The following STK39 variants were observed in gnomAD, a reference collection of about 807,000 sequenced individuals.
STK39 encodes STE20/SPS1-related proline-alanine-rich protein kinase.
Under a neutral mutation model 77.8 loss-of-function variants are expected in STK39, and 20 were observed. That is an observed-to-expected ratio of 0.26 (90% CI 0.18 to 0.37). STK39 has a LOEUF of 0.37. Ranked by LOEUF, STK39 falls within the 10% of genes least tolerant of loss-of-function variation. The pLI, the probability that STK39 is intolerant of heterozygous loss-of-function variation, is 1.00. For synonymous variants in STK39, 246 were observed against 234.1 expected, an observed-to-expected ratio of 1.05 and a Z score of -0.47; for missense variants, 479 against 656.5, an observed-to-expected ratio of 0.73 and a Z score of 2.95.
intron 10 of STK39, among the ~76,000 whole-genome samples, chr2:168,128,497 C>T (rs980878723): frequency 6.6e-6 from 1 of 152,192 alleles, no homozygotes; most frequent in African/African-American, 2.4e-5. Context: ...AAAGTCAACA[C>T]ATCAATCCTC....
intron 14 of STK39, among the ~76,000 whole-genome samples, chr2:168,029,951 C>T (rs1412280859): frequency 6.6e-6 from 1 of 152,104 alleles, no homozygotes; most frequent in Non-Finnish European, 1.5e-5. Context: ...CTAAATCTCC[C>T]AATTTTGGGC....
At chr2:168,156,287 G>A (rs1476329850) in intron 5 of STK39, among the ~76,000 whole-genome samples, 1 of 152,190 alleles carries the variant, frequency 6.6e-6, no homozygotes, top group African/African-American at 2.4e-5. Flanking sequence ...ACAGCAGAAA[G>A]CACTTGCAGA....
chr2:168,245,097 A>C (rs1690864126), intron 1 of STK39, among the ~76,000 whole-genome samples: 2 of 152,258 alleles, frequency 1.3e-5, no homozygotes, highest in Non-Finnish European at 2.9e-5. Flanking sequence ...TCTATGGAGA[A>C]TTATGTGGCA....
intron 10 of STK39, among the ~76,000 whole-genome samples, chr2:168,086,889 G>T (rs1054400148): frequency 6.6e-6 from 1 of 152,202 alleles, no homozygotes; most frequent in Non-Finnish European, 1.5e-5. Context: ...TTCTGCATCA[G>T]TCCTATCAAA....
chr2:168,136,592 A>C (rs1444312869), intron 8 of STK39, among the ~76,000 whole-genome samples: 1 of 152,190 alleles, frequency 6.6e-6, no homozygotes, highest in African/African-American at 2.4e-5. Flanking sequence ...ACTGTCGTTC[A>C]AGAATCAGGA....
At chr2:168,004,111 G>A (rs1419231367) in intron 16 of STK39, among the ~76,000 whole-genome samples, 1 of 152,172 alleles carries the variant, frequency 6.6e-6, no homozygotes, top group Admixed American at 6.6e-5. Context: ...GAGAGCCTAA[G>A]CGTACTTTGC....
chr2:168,038,341 C>T (rs1685011794), intron 14 of STK39, among the ~76,000 whole-genome samples: 3 of 151,496 alleles, frequency 2.0e-5, no homozygotes, highest in Non-Finnish European at 4.4e-5. Context: ...GGGGTTGGCA[C>T]AAGTGTGTAT....
chr2:168,148,358 G>T (rs1417954894), intron 5 of STK39, among the ~76,000 whole-genome samples: 1 of 152,106 alleles, frequency 6.6e-6, no homozygotes, highest in Middle Eastern at 3.2e-3. Flanking sequence ...CAAACTGGGA[G>T]GGCCACCCCT....
chr2:168,129,777 A>G lies in STK39; in HGVS notation c.975-19T>C, dbSNP rs1426421461. On this transcript the variant is annotated intron_variant, in intron 8 of 17. Coordinates refer to ENST00000355999, the MANE Select transcript of STK39 (RefSeq NM_013233.3). ...TGTGGGCCTGAAAGATCAATAATAAATTAGAGTTGAAACAATGACCACTTA... is the reference window on the plus strand; with the variant it reads ...TGTGGGCCTGAAAGATCAATAATAAGTTAGAGTTGAAACAATGACCACTTA... The G allele has an allele frequency of 6.2e-7, 1 of 1,612,656 alleles. No homozygotes were observed. Among genetic ancestry groups the G allele is most frequent in the Non-Finnish European group, 8.5e-7 (1 of 1,179,762 alleles).
At position 167,954,239 on chromosome 2, in the gene STK39, T is replaced by C. The variant is rs199794776; in HGVS notation, c.*1257A>G. ...ATTAAAGAGCTGCCATATCTAGGGTTAGCTAGGAAAGAGCAATGGTACCAT... is the reference window on the plus strand; with the variant it reads ...ATTAAAGAGCTGCCATATCTAGGGTCAGCTAGGAAAGAGCAATGGTACCAT... On this transcript the variant is annotated 3_prime_UTR_variant, in exon 18 of 18. Transcript: ENST00000355999. 8.5e-5 allele frequency: 13 copies of C among 152,710 alleles called. No homozygotes were observed. The highest frequency in any genetic ancestry group is 4.1e-4 in the South Asian group (2 of 4,824). 9.5% of individuals were successfully genotyped at this position (152,710 alleles called of 1,614,324 possible).
chr2:168,132,802 A>C (rs1011949467), intron 8 of STK39, among the ~76,000 whole-genome samples: 1 of 152,084 alleles, frequency 6.6e-6, no homozygotes, highest in African/African-American at 2.4e-5. Flanking sequence ...AGCCCTTCCA[A>C]GGCAGGGACC....
At chr2:168,139,408 T>TTTA (rs1553532929) in intron 7 of STK39, among the ~76,000 whole-genome samples, 1 of 144,528 alleles carries the variant, frequency 6.9e-6, no homozygotes, top group African/African-American at 2.6e-5. Flanking sequence ...TAAAAAAAAT[T>TTTA]TATATATATA....
intron 2 of STK39, among the ~76,000 whole-genome samples, chr2:168,172,457 C>T (rs1688852567): frequency 6.6e-6 from 1 of 152,202 alleles, no homozygotes; most frequent in African/African-American, 2.4e-5. Flanking sequence ...ATTTATACCA[C>T]CTTGTCATAC....
intron 1 of STK39, among the ~76,000 whole-genome samples, chr2:168,227,673 TTTTA>T (rs1320999592): frequency 9.8e-5 from 15 of 152,328 alleles, no homozygotes; most frequent in Non-Finnish European, 1.6e-4. Flanking sequence ...AATTTTTCTT[TTTTA>T]TTTATTTATT....
At position 168,247,462 on chromosome 2, in the gene STK39, G is replaced by A; in HGVS notation, c.-27C>T. On this transcript the variant is annotated 5_prime_UTR_variant, in exon 1 of 18. Coordinates refer to ENST00000355999, the MANE Select transcript of STK39 (RefSeq NM_013233.3). Reference sequence around the variant, plus strand: ...ATGCTGCGGAGGAGAGCAGGAGGACGCGCCGGCCGACGGACGACCTTCCAC... The same window carrying A: ...ATGCTGCGGAGGAGAGCAGGAGGACACGCCGGCCGACGGACGACCTTCCAC... The A allele has an allele frequency of 2.3e-6, 3 of 1,308,532 alleles. 1 individual carries two copies. The highest frequency in any genetic ancestry group is 6.3e-4 in the Middle Eastern group (2 of 3,158). 81.1% of individuals were successfully genotyped at this position (1,308,532 alleles called of 1,614,324 possible). A position where few individuals can be genotyped will look rare whatever the true frequency, so the allele number is the denominator to read the frequency against.
rs149957876 is a variant in STK39 at position 168,018,357 on chromosome 2, G to A, written c.1377-1262C>T. 2.6e-3 allele frequency among the ~76,000 whole-genome samples: 400 copies of A among 151,858 alleles called. 3 individuals carry two copies. The highest frequency in any genetic ancestry group is 8.0e-3 in the African/African-American group (331 of 41,384). On this transcript the variant is annotated intron_variant, in intron 14 of 17. Coordinates refer to ENST00000355999, the MANE Select transcript of STK39 (RefSeq NM_013233.3). ...TCTACTAAAAATACAAGAATTACCC[G>A]GGAGTGGTGGCCCATCCCTGTAATC...
intron 16 of STK39, among the ~76,000 whole-genome samples, chr2:167,968,278 AATTT>A (rs1249770179): frequency 1.3e-5 from 2 of 152,170 alleles, no homozygotes; most frequent in Non-Finnish European, 2.9e-5. Flanking sequence ...TTGGTAGAGC[AATTT>A]ATTTTCTTTT....
At chr2:167,967,425 T>C (rs1692188236) in intron 16 of STK39, among the ~76,000 whole-genome samples, 1 of 152,200 alleles carries the variant, frequency 6.6e-6, no homozygotes, top group South Asian at 2.1e-4. Flanking sequence ...ACAGGGTATC[T>C]TTATGTGAAC....
At chr2:168,104,419 A>C (rs145324466) in intron 10 of STK39, among the ~76,000 whole-genome samples, 248 of 152,334 alleles carry the variant, frequency 1.6e-3, no homozygotes, top group Non-Finnish European at 2.9e-3. Context: ...AAGTAGTATA[A>C]GATTGTCAAA....
Sources: gnomAD v4.1 joint callset for allele counts (sites outside exome capture counted in the v4.1 genomes callset) on GRCh38, gnomAD v4.1.1 for gene constraint, MANE v1.5 for transcripts, NCBI Gene and HGNC (gene_info 2026-07-23, HGNC 2026-07-21) for gene names.